CCDC159: variants seen among roughly 807,000 people sequenced by gnomAD.
CCDC159 encodes the protein coiled-coil domain containing 159.
CCDC159 carries 40 observed loss-of-function variants against 50.9 expected under a neutral mutation model. That is an observed-to-expected ratio of 0.79 (90% CI 0.61 to 1.02). CCDC159 has a LOEUF of 1.02. Among genes scored for constraint, CCDC159 ranks in the 50% least tolerant of loss-of-function variants. The pLI is 0.00. For synonymous variants in CCDC159, 146 were observed against 138.9 expected (o/e 1.05, Z -0.36); for missense variants, 356 against 371.5 (o/e 0.96, Z 0.34).
At position 11,353,480 on chromosome 19, in the gene CCDC159, T is replaced by A; in HGVS notation, c.597T>A (p.His199Gln). The change falls in exon 8 of 11, where the codon CAT (histidine) becomes CAA (glutamine). Residue 199 changes from histidine to glutamine, a missense_variant. Coordinates refer to ENST00000458408, the MANE Select transcript of CCDC159 (RefSeq NM_001080503.3). ...KILTKMKQQG[H>Q]ETAACPETEE... is the part of the protein sequence containing the mutation. ...TGACCAAGATGAAGCAGCAGGGTCA[T>A]GAGACAGCCGCCTGTCCGGAGACTG... 1 of 1,597,026 alleles carries A rather than the reference T, an allele frequency of 6.3e-7. No homozygotes were observed. The highest frequency in any genetic ancestry group is 8.5e-7 in the Non-Finnish European group (1 of 1,172,022).
At chr19:11,350,079 C>G in intron 3 of CCDC159, 39 bp from the exon 4 acceptor site, 1 of 1,612,254 alleles carries the variant, frequency 6.2e-7, no homozygotes, top group East Asian at 2.2e-5. Flanking sequence ...TTGCCCTCCC[C>G]TCCTTCCTCC....
intron 10 of CCDC159, 85 bp from the exon 11 acceptor site, chr19:11,354,788 C>G: frequency 6.2e-7 from 1 of 1,611,566 alleles, no homozygotes; most frequent in Non-Finnish European, 8.5e-7. Context: ...AGGCCCAGAT[C>G]CTGATCTGGG....
chr19:11,349,865 G>T, intron 2 of CCDC159, 73 bp from the exon 3 acceptor site: 1 of 1,437,554 alleles, frequency 7.0e-7, no homozygotes, highest in Non-Finnish European at 9.8e-7. Flanking sequence ...CTGAGCCTTT[G>T]CTGACCTCTG....
At chr19:11,351,859 C>T (rs1423047063) in intron 5 of CCDC159, 47 bp from the exon 6 acceptor site, 85 of 1,534,582 alleles carry the variant, frequency 5.5e-5, no homozygotes, top group Middle Eastern at 2.2e-4. Flanking sequence ...CATGGGAGGT[C>T]AGGGGCCAGG....
At chr19:11,352,278 C>A (rs771288471) in intron 7 of CCDC159, 145 bp downstream of exon 7, 3 of 749,388 alleles carry the variant, frequency 4.0e-6, no homozygotes, top group African/African-American at 1.8e-5. Flanking sequence ...AGTCACTTGA[C>A]CTCTCTGAGC....
In CCDC159 at chr19:11,346,686, G is replaced by A. The variant is rs1034061020; in HGVS notation, c.21+59G>A. The A allele has an allele frequency of 2.7e-5, 41 of 1,529,232 alleles. 1 individual carries two copies. In the Admixed American group the frequency reaches 5.8e-4, roughly 22 times the overall value. 94.7% of individuals were successfully genotyped at this position (1,529,232 alleles called of 1,614,324 possible). ...GTGTAGATTTCACAACCCAGGGGGC[G>A]GAGCCAGGATGATGACCCCGCCCCC... On this transcript the variant is annotated intron_variant, in intron 1 of 10. Transcript: ENST00000458408.
At chr19:11,351,231 G>C (rs1261186816) in intron 5 of CCDC159, 1 of 488,778 alleles carries the variant, frequency 2.0e-6, no homozygotes, top group Non-Finnish European at 3.6e-6. Flanking sequence ...GAGGTCAGGA[G>C]TTCGAGACCA....
rs369031965 is a variant in CCDC159 at position 11,350,245 on chromosome 19, G to A, written c.226+46G>A. The A allele has an allele frequency of 7.2e-6, 11 of 1,520,582 alleles. No individual in the cohort carries two copies. The African/African-American group carries it at 1.2e-4, about 17-fold the overall frequency. 94.2% of individuals were successfully genotyped at this position (1,520,582 alleles called of 1,614,324 possible). ...AAGGTCAGGCTAGGCCAGGCGTGGT[G>A]GCTCACGCCTGTAATCCCAGCATTT... On this transcript the variant is annotated intron_variant, in intron 4 of 10. Transcript: ENST00000458408.
intron 6 of CCDC159, 36 bp downstream of exon 6, chr19:11,352,009 G>C: frequency 1.9e-6 from 3 of 1,612,820 alleles, no homozygotes; most frequent in Non-Finnish European, 2.5e-6. Flanking sequence ...TGTGTGGGGA[G>C]GGGGTCCTTC....
Position 11,352,101 on chromosome 19 carries a change from A to C in CCDC159, c.535A>C (p.Lys179Gln). 6.2e-7 allele frequency: 1 copy of C among 1,613,838 alleles called. No homozygotes were observed. Among genetic ancestry groups the C allele is most frequent in the Non-Finnish European group, 8.5e-7 (1 of 1,179,842 alleles). ...EISENLVNIQ[K>Q]MQKTQVKCRK... ...CTCAGAGAACTTGGTGAACATTCAG[A>C]AAATGCAGAAAACGCAGGTGAAATG... The change falls in exon 7 of 11, where the codon AAA becomes CAA. Residue 179 changes from lysine to glutamine, a missense_variant. Transcript: ENST00000458408.
intron 9 of CCDC159, among the ~76,000 whole-genome samples, chr19:11,354,130 T>C (rs1257382604): frequency 6.6e-6 from 1 of 152,074 alleles, no homozygotes; most frequent in Non-Finnish European, 1.5e-5. Context: ...GTAATCCTAA[T>C]ATTTTGGGAG....
chr19:11,350,692 A>G, intron 4 of CCDC159, 116 bp from the exon 5 acceptor site: 1 of 1,011,958 alleles, frequency 9.9e-7, no homozygotes, highest in South Asian at 1.7e-5. Context: ...TGTTGGGATC[A>G]GCTGGGCCAG....
rs1222114582 is a variant in CCDC159, at chr19:11,353,629, G to A, written c.689+57G>A. ...CCTCCTCTGAACCCGTTCCCCCAACGGGATCTGGCAGTGACCACCAGAACC... is the reference window on the plus strand; with the variant it reads ...CCTCCTCTGAACCCGTTCCCCCAACAGGATCTGGCAGTGACCACCAGAACC... On this transcript the variant is annotated intron_variant, in intron 8 of 10. Coordinates refer to ENST00000458408, the MANE Select transcript of CCDC159 (RefSeq NM_001080503.3). The A allele has an allele frequency of 5.0e-6, 8 of 1,601,004 alleles. No individual in the cohort carries two copies. The highest frequency in any genetic ancestry group is 1.3e-5 in the African/African-American group (1 of 74,432).
intron 4 of CCDC159, 82 bp downstream of exon 4, chr19:11,350,281 A>G: frequency 8.0e-7 from 1 of 1,247,490 alleles, no homozygotes; most frequent in Non-Finnish European, 1.1e-6. Flanking sequence ...GGGGAGGCCA[A>G]AGAGGTTGGA....
At chr19:11,349,545 C>G in intron 1 of CCDC159, 109 bp from the exon 2 acceptor site, 2 of 1,443,996 alleles carry the variant, frequency 1.4e-6, no homozygotes, top group South Asian at 1.2e-5. Flanking sequence ...TTTGGGACAC[C>G]TAGAACTGAG....
At position 11,354,014 on chromosome 19, in the gene CCDC159, A is replaced by ATT. The variant is rs1233249768; in HGVS notation, c.772+141_772+142dup. On this transcript the variant is annotated intron_variant, in intron 9 of 10. Coordinates refer to ENST00000458408, the MANE Select transcript of CCDC159 (RefSeq NM_001080503.3). The stretch of plus-strand genomic sequence containing the variant: ...ACATTAAGTAGTGTTCTGGGGTCAC[A>ATT]TTAAGGAGTCACTGGAGGTTTCATC... The ATT allele has an allele frequency of 4.4e-6, 3 of 676,606 alleles. No individual in the cohort carries two copies. The African/African-American group carries it at 5.5e-5, about 12-fold the overall frequency. 41.9% of individuals were successfully genotyped at this position (676,606 alleles called of 1,614,324 possible).
intron 4 of CCDC159, 104 bp from the exon 5 acceptor site, chr19:11,350,704 C>T: frequency 8.4e-7 from 1 of 1,183,706 alleles, no homozygotes; most frequent in Non-Finnish European, 1.2e-6. Context: ...CTGGGCCAGG[C>T]CAGGGTGAGG....
intron 4 of CCDC159, among the ~76,000 whole-genome samples, 153 bp downstream of exon 4, chr19:11,350,352 TAAAA>T (rs34313280): frequency 9.6e-6 from 1 of 104,478 alleles, no homozygotes; most frequent in Non-Finnish European, 1.9e-5. Flanking sequence ...CATATCTACT[TAAAA>T]AAAAAAAAAA....
rs1256644617 is a variant in CCDC159 at position 11,350,893 on chromosome 19, C to T, written c.312C>T (p.Ala104=). 1.1e-5 allele frequency: 17 copies of T among 1,552,564 alleles called. No individual in the cohort carries two copies. Among genetic ancestry groups the T allele is most frequent in the Non-Finnish European group, 1.4e-5 (16 of 1,148,088 alleles). The change falls in exon 5 of 11, where the codon GCC becomes GCT. Residue 104 remains alanine (A), a synonymous_variant. Coordinates refer to ENST00000458408, the MANE Select transcript of CCDC159 (RefSeq NM_001080503.3). The part of the protein sequence containing the change: ...MEQGRQELYG[A]LTQGLQGLEK... ...AGGGCCGGCAGGAGCTGTATGGGGCCCTGACCCAAGGCCTTCAGGGGCTGG... is the reference window on the plus strand; with the variant it reads ...AGGGCCGGCAGGAGCTGTATGGGGCTCTGACCCAAGGCCTTCAGGGGCTGG...
Sources: gnomAD v4.1 joint callset for allele counts (sites outside exome capture counted in the v4.1 genomes callset) on GRCh38, gnomAD v4.1.1 for gene constraint, MANE v1.5 for transcripts, NCBI Gene and HGNC (gene_info 2026-07-23, HGNC 2026-07-21) for gene names.